The following ECI2 variants were observed in gnomAD, a reference collection of about 807,000 sequenced individuals.
ECI2 encodes the protein D3,D2-enoyl-CoA isomerase.
Under a neutral mutation model 38.4 loss-of-function variants are expected in ECI2, and 27 were observed. That is an observed-to-expected ratio of 0.70 (90% CI 0.52 to 0.97). The LOEUF is 0.97. Among genes scored for constraint, ECI2 ranks in the 50% least tolerant of loss-of-function variants. ECI2 has a pLI of 0.00. For missense variants in ECI2, 470 were observed against 474.4 expected, an observed-to-expected ratio of 0.99 and a Z score of 0.09; for synonymous variants, 168 against 172.0, an observed-to-expected ratio of 0.98 and a Z score of 0.18.
intron 7 of ECI2, among the ~76,000 whole-genome samples, chr6:4,123,741 C>A (rs564097211): frequency 1.4e-4 from 21 of 151,998 alleles, no homozygotes; most frequent in African/African-American, 4.6e-4. Context: ...CCAACGCAGG[C>A]GAATCACTTG....
At chr6:4,125,595 A>T (rs1773096709) in intron 6 of ECI2, 1 of 588,108 alleles carries the variant, frequency 1.7e-6, no homozygotes, top group African/African-American at 1.9e-5. Context: ...AGTGAGACCT[A>T]TGGGTCAACC....
intron 8 of ECI2, 123 bp downstream of exon 8, chr6:4,119,063 C>A: frequency 1.3e-6 from 1 of 799,346 alleles, no homozygotes; most frequent in Non-Finnish European, 1.9e-6. Context: ...AGTTGAAAAG[C>A]AAATCATTAG....
intron 8 of ECI2, 82 bp from the exon 9 acceptor site, chr6:4,117,533 A>G: frequency 1.3e-6 from 2 of 1,536,712 alleles, no homozygotes; most frequent in Non-Finnish European, 1.7e-6. Context: ...GGAGGCTTAG[A>G]GAGATGTACT....
At chr6:4,116,833 G>A (rs1451836688) in intron 9 of ECI2, among the ~76,000 whole-genome samples, 1 of 152,174 alleles carries the variant, frequency 6.6e-6, no homozygotes, top group East Asian at 1.9e-4. Flanking sequence ...AGTAGGTGTG[G>A]GGCAGGCCTG....
chr6:4,120,671 G>A (rs1486473177), intron 7 of ECI2, among the ~76,000 whole-genome samples: 1 of 151,506 alleles, frequency 6.6e-6, no homozygotes, highest in Non-Finnish European at 1.5e-5. Flanking sequence ...AGGCTGCAGT[G>A]AGCCGAGATC....
intron 7 of ECI2, chr6:4,121,844 TTAG>T: frequency 2.1e-6 from 1 of 484,082 alleles, no homozygotes; most frequent in East Asian, 3.4e-5. Context: ...TATATAACTG[TTAG>T]AAGATATAAA....
At chr6:4,121,756 A>C (rs575726363) in intron 7 of ECI2, among the ~76,000 whole-genome samples, 1 of 151,928 alleles carries the variant, frequency 6.6e-6, no homozygotes, top group Non-Finnish European at 1.5e-5. Context: ...TTATGAAAGA[A>C]TGTTAATTTA....
rs760079721 is a variant in ECI2 at position 4,133,618 on chromosome 6, A to AT, written c.143dup (p.Asn48LysfsTer23). The AT allele has an allele frequency of 2.0e-5, 33 of 1,613,892 alleles. No homozygotes were observed. In the African/African-American group the frequency reaches 2.8e-4, roughly 14 times the overall value. On this transcript the variant is annotated frameshift_variant, in exon 2 of 10. Transcript: ENST00000380118. LOFTEE classifies it high-confidence loss of function. ...GATCCTTTTTCAAGAGTTTCACTTGATTCATTGAATTTTCAAAGTCCTTCT... is the reference window on the plus strand; with the variant it reads ...GATCCTTTTTCAAGAGTTTCACTTGATTTCATTGAATTTTCAAAGTCCTTCT...
intron 7 of ECI2, among the ~76,000 whole-genome samples, chr6:4,122,686 G>A (rs1052803104): frequency 6.6e-6 from 1 of 152,056 alleles, no homozygotes; most frequent in Admixed American, 6.6e-5. Context: ...AGTAGAGAAG[G>A]GGTTTCACCA....
In ECI2 at chr6:4,130,825, A is replaced by C. The variant is rs750063766; in HGVS notation, c.254T>G (p.Phe85Cys). Residue 85 changes from phenylalanine (F) to cysteine (C), a missense_variant, in exon 3 of 10, where the codon TTT (phenylalanine) becomes TGT (cysteine). Transcript: ENST00000380118. ...GPCNMPKPGV[F>C]DLINKAKWDA... The stretch of plus-strand genomic sequence containing the variant: ...CCATTTGGCCTTGTTGATCAAGTCA[A>C]ATACACCTGGTTTGGGCATGTTACA... The C allele has an allele frequency of 1.2e-6, 2 of 1,614,242 alleles. No individual in the cohort carries two copies. Among genetic ancestry groups the C allele is most frequent in the South Asian group, 2.2e-5 (2 of 91,080 alleles).
rs772895255 is a variant in ECI2, at chr6:4,133,533, G to C, written c.213+16C>G. On this transcript the variant is annotated intron_variant, in intron 2 of 9. Transcript: ENST00000380118. ...GCCCAAAATTCTTTAAATAACGTTC[G>C]ACCGTAGGCATTTACCTGCTTATAT... 1 of 1,584,202 alleles carries C rather than the reference G, an allele frequency of 6.3e-7. No homozygotes were observed. Among genetic ancestry groups the C allele is most frequent in the Non-Finnish European group, 8.6e-7 (1 of 1,166,958 alleles).
chr6:4,119,103 A>G (rs1772485189), intron 8 of ECI2, 83 bp downstream of exon 8: 4 of 1,150,696 alleles, frequency 3.5e-6, no homozygotes, highest in Middle Eastern at 2.1e-4. Flanking sequence ...ACCAAGGGAA[A>G]GAAGGGAGAG....
chr6:4,135,297 C>A, intron 1 of ECI2: 2 of 1,384,510 alleles, frequency 1.4e-6, no homozygotes, highest in Non-Finnish European at 1.9e-6. Flanking sequence ...GACCTCCCGA[C>A]GCGCCCATCC....
intron 8 of ECI2, 142 bp downstream of exon 8, chr6:4,119,044 C>T: frequency 1.5e-6 from 1 of 683,000 alleles, no homozygotes; most frequent in Middle Eastern, 4.0e-4. Flanking sequence ...ATTGGTAAAA[C>T]TCTTAAAGAG....
At chr6:4,120,489 G>A (rs770977771) in intron 7 of ECI2, among the ~76,000 whole-genome samples, 41 of 152,176 alleles carry the variant, frequency 2.7e-4, no homozygotes, top group Admixed American at 9.8e-4. Flanking sequence ...CACTTTGGGA[G>A]GCAGAGGTGG....
Position 4,125,380 on chromosome 6 carries a change from T to C in ECI2, c.675-10A>G, listed in dbSNP as rs192626144. 1.2e-6 allele frequency: 2 copies of C among 1,613,760 alleles called. No individual in the cohort carries two copies. Among genetic ancestry groups the C allele is most frequent in the Admixed American group, 3.3e-5 (2 of 60,000 alleles). ...ACAGCCCACAAATTCCCTACAGAAA[T>C]GGAAACACAAAATCATTAAATGTGC... On this transcript the variant is annotated splice_polypyrimidine_tract_variant and intron_variant, in intron 6 of 9. Coordinates refer to ENST00000380118, the MANE Select transcript of ECI2 (RefSeq NM_206836.3).
In ECI2 at chr6:4,115,747, T is replaced by C. The variant is rs2113960188; in HGVS notation, c.*127A>G. ...TTTATTCATCAGAGCTGTAGTGAAATATCATCATTGTAATTGATATTCTAG... is the reference window on the plus strand; with the variant it reads ...TTTATTCATCAGAGCTGTAGTGAAACATCATCATTGTAATTGATATTCTAG... On this transcript the variant is annotated 3_prime_UTR_variant, in exon 10 of 10. Transcript: ENST00000380118. The C allele has an allele frequency of 8.8e-6, 12 of 1,359,134 alleles. No homozygotes were observed. In the South Asian group the frequency reaches 1.5e-4, roughly 17 times the overall value. The allele number at this position is 1,359,134 out of a possible 1,614,324, so 84.2% of individuals were successfully genotyped here.
In ECI2 at chr6:4,130,393, CT is replaced by C; in HGVS notation, c.479del (p.Lys160ArgfsTer5). 6.2e-7 allele frequency: 1 copy of C among 1,614,182 alleles called. No individual in the cohort carries two copies. The highest frequency in any genetic ancestry group is 8.5e-7 in the Non-Finnish European group (1 of 1,180,014). ...ITKIMFNRPK[K>X]KNAINTEMYH... ...TTACCTCAGTGTTTATGGCATTTTTCTTTTTGGGCCGGTTGAACATGATCTT... is the reference window on the plus strand; with the variant it reads ...TTACCTCAGTGTTTATGGCATTTTTCTTTTGGGCCGGTTGAACATGATCTT... On this transcript the variant is annotated frameshift_variant, in exon 4 of 10. Transcript: ENST00000380118. LOFTEE classifies it high-confidence loss of function.
intron 1 of ECI2, 84 bp from the exon 2 acceptor site, chr6:4,133,795 TA>T: frequency 7.0e-7 from 1 of 1,438,052 alleles, no homozygotes; most frequent in Non-Finnish European, 9.2e-7. Flanking sequence ...AGCCTATACA[TA>T]ACAAAATGCC....
Sources: allele counts gnomAD v4.1 joint callset (sites outside exome capture counted in the v4.1 genomes callset), GRCh38; gene constraint gnomAD v4.1.1; transcripts MANE v1.5; gene names NCBI Gene and HGNC (gene_info 2026-07-23, HGNC 2026-07-21).